SPAG17: variants seen among roughly 807,000 people sequenced by gnomAD.
SPAG17 encodes the protein sperm associated antigen 17.
Under a neutral mutation model 273.6 loss-of-function variants are expected in SPAG17, and 169 were observed. The observed-to-expected ratio is 0.62, with a 90% CI of 0.55 to 0.70. The LOEUF is 0.70. Among genes scored for constraint, SPAG17 ranks in the 30% least tolerant of loss-of-function variants. The probability of loss-of-function intolerance (pLI) is 0.00; values close to 1 mark genes in which losing one functional copy is unlikely to be tolerated. For missense variants in SPAG17, 2,557 were observed against 2,627.8 expected (o/e 0.97, Z 0.59); for synonymous variants, 825 against 873.2 (o/e 0.94, Z 0.97).
intron 30 of SPAG17, among the ~76,000 whole-genome samples, chr1:118,009,787 T>C (rs989649672): frequency 2.6e-5 from 4 of 152,112 alleles, no homozygotes; most frequent in African/African-American, 9.7e-5. Context: ...CTCATATTCA[T>C]TGCAGCATTA....
rs145203786 is a variant in SPAG17 at position 118,141,502 on chromosome 1, C to T, written c.315+9041G>A. On this transcript the variant is annotated intron_variant, in intron 3 of 48. Coordinates refer to ENST00000336338, the MANE Select transcript of SPAG17 (RefSeq NM_206996.4). ...TAAATGTCTAGGTAATAAAGCAAAT[C>T]TTTATCCATTATATACAATTTTCTT... Among the ~76,000 whole-genome samples the T allele has an allele frequency of 2.1e-3, 316 of 152,310 alleles. 4 individuals carry two copies. The highest frequency in any genetic ancestry group is 7.2e-3 in the African/African-American group (300 of 41,576).
At chr1:118,116,703 T>C (rs1274439186) in intron 3 of SPAG17, among the ~76,000 whole-genome samples, 4 of 152,220 alleles carry the variant, frequency 2.6e-5, no homozygotes, top group Admixed American at 2.0e-4. Context: ...GAGATCACAT[T>C]GGGGTTCCCG....
chr1:118,128,087 A>G (rs1570742711), intron 3 of SPAG17, among the ~76,000 whole-genome samples: 2 of 151,442 alleles, frequency 1.3e-5, no homozygotes. Context: ...GCACCGCTGC[A>G]CTCCAGCCTG....
intron 32 of SPAG17, among the ~76,000 whole-genome samples, chr1:118,004,028 C>G (rs1658595320): frequency 6.6e-6 from 1 of 151,458 alleles, no homozygotes; most frequent in African/African-American, 2.4e-5. Context: ...GATGCTGACA[C>G]TATTCCTTTC....
chr1:118,068,583 A>G (rs998420975), intron 17 of SPAG17, among the ~76,000 whole-genome samples: 4 of 152,122 alleles, frequency 2.6e-5, no homozygotes, highest in Non-Finnish European at 5.9e-5. Context: ...CAATATGTAA[A>G]GTTTTCATAT....
intron 2 of SPAG17, among the ~76,000 whole-genome samples, chr1:118,151,013 T>A (rs936500225): frequency 9.2e-5 from 14 of 152,118 alleles, no homozygotes; most frequent in Non-Finnish European, 1.6e-4. Flanking sequence ...GAAATCTTTG[T>A]CAAATAAATG....
chr1:118,149,811 CA>C (rs1189949109), intron 3 of SPAG17, among the ~76,000 whole-genome samples: 1 of 152,228 alleles, frequency 6.6e-6, no homozygotes, highest in Non-Finnish European at 1.5e-5. Context: ...CTCCATAAAA[CA>C]GTGCCTGACA....
At chr1:118,009,555 A>G (rs182583017) in intron 30 of SPAG17, among the ~76,000 whole-genome samples, 27 of 151,520 alleles carry the variant, frequency 1.8e-4, no homozygotes, top group Non-Finnish European at 5.9e-5. Context: ...GACGAAAGAC[A>G]TGCTGAGACT....
chr1:118,089,592 GAA>G (rs1298863794), intron 10 of SPAG17, among the ~76,000 whole-genome samples: 1 of 152,034 alleles, frequency 6.6e-6, no homozygotes, highest in East Asian at 1.9e-4. Flanking sequence ...TATCTTCAAA[GAA>G]AAAAGTATCA....
chr1:118,081,067 AC>A, intron 15 of SPAG17, 33 bp downstream of exon 15: 1 of 1,353,704 alleles, frequency 7.4e-7, no homozygotes, highest in East Asian at 2.3e-5. Flanking sequence ...TTACACACAC[AC>A]ACACACACAC....
chr1:118,170,258 T>A (rs886837408), intron 1 of SPAG17, among the ~76,000 whole-genome samples: 6 of 152,170 alleles, frequency 3.9e-5, no homozygotes, highest in Non-Finnish European at 8.8e-5. Flanking sequence ...AAGAGTAAGA[T>A]GTGATTTTAA....
chr1:118,063,614 C>T (rs1410845393), intron 18 of SPAG17, among the ~76,000 whole-genome samples: 1 of 152,126 alleles, frequency 6.6e-6, no homozygotes, highest in Non-Finnish European at 1.5e-5. Flanking sequence ...AAATGTTAGA[C>T]CTAAAACCAT....
intron 3 of SPAG17, among the ~76,000 whole-genome samples, chr1:118,130,356 T>C (rs375591478): frequency 1.6e-4 from 24 of 152,332 alleles, no homozygotes; most frequent in African/African-American, 5.5e-4. Context: ...GATTTGGGCC[T>C]AGTAGTATGA....
chr1:118,049,670 G>A (rs2802675), intron 20 of SPAG17, among the ~76,000 whole-genome samples: 150,932 of 152,330 alleles, frequency 0.99, 74,791 homozygotes, highest in East Asian at 1. Context: ...AAATAGAAAA[G>A]TATCCTAAAA....
chr1:118,033,085 G>A (rs1469013398), intron 24 of SPAG17, among the ~76,000 whole-genome samples: 1 of 152,138 alleles, frequency 6.6e-6, no homozygotes, highest in Non-Finnish European at 1.5e-5. Context: ...CACAGCCAGG[G>A]CTGAGCAACT....
chr1:117,988,251 G>T, intron 38 of SPAG17, 47 bp from the exon 39 acceptor site: 1 of 1,354,580 alleles, frequency 7.4e-7, no homozygotes, highest in Non-Finnish European at 1.0e-6. Flanking sequence ...TCTTTATAGG[G>T]CAACACACAA....
intron 28 of SPAG17, among the ~76,000 whole-genome samples, chr1:118,019,506 T>C (rs959603752): frequency 3.3e-5 from 5 of 151,990 alleles, no homozygotes; most frequent in African/African-American, 4.8e-5. Flanking sequence ...TTAAATATGT[T>C]TAACTGGAAT....
At chr1:117,969,779 G>A (rs1012859577) in intron 46 of SPAG17, among the ~76,000 whole-genome samples, 1 of 152,134 alleles carries the variant, frequency 6.6e-6, no homozygotes, top group African/African-American at 2.4e-5. Context: ...GTAATATTGG[G>A]ACAAGTGAGG....
chr1:118,132,274 A>G (rs936530250), intron 3 of SPAG17, among the ~76,000 whole-genome samples: 2 of 152,054 alleles, frequency 1.3e-5, no homozygotes, highest in Non-Finnish European at 2.9e-5. Flanking sequence ...GAGAGCAGTG[A>G]CCCAGGAAGA....
Sources: gnomAD v4.1 joint callset for allele counts (sites outside exome capture counted in the v4.1 genomes callset) on GRCh38, gnomAD v4.1.1 for gene constraint, MANE v1.5 for transcripts, NCBI Gene and HGNC (gene_info 2026-07-23, HGNC 2026-07-21) for gene names.